ZW10: variants seen among roughly 807,000 people sequenced by gnomAD.
ZW10 encodes centromere/kinetochore protein zw10 homolog.
ZW10 carries 53 observed loss-of-function variants against 87.8 expected under a neutral mutation model. The ratio of observed to expected loss-of-function variants is 0.60; its 90% confidence interval spans 0.48 to 0.76. The LOEUF is 0.76. Among genes scored for constraint, ZW10 ranks in the 30% least tolerant of loss-of-function variants. The probability of loss-of-function intolerance (pLI) is 0.00; values close to 1 mark genes in which losing one functional copy is unlikely to be tolerated. For synonymous variants in ZW10, 312 were observed against 329.2 expected, an observed-to-expected ratio of 0.95 and a Z score of 0.57; for missense variants, 837 against 923.0, an observed-to-expected ratio of 0.91 and a Z score of 1.21.
At chr11:113,749,329 G>A (rs61905739) in intron 7 of ZW10, among the ~76,000 whole-genome samples, 11,594 of 152,262 alleles carry the variant, frequency 0.076, 598 homozygotes, top group Non-Finnish European at 0.11. Flanking sequence ...CACTTAAAAT[G>A]TGGCTAGTGT....
At chr11:113,738,478 C>T (rs1261535794) in intron 12 of ZW10, 84 bp from the exon 13 acceptor site, 1 of 1,299,940 alleles carries the variant, frequency 7.7e-7, no homozygotes, top group Admixed American at 2.4e-5. Context: ...GATGCATAAA[C>T]CATGTATCTG....
At chr11:113,741,303 G>C (rs1953615811) in intron 11 of ZW10, among the ~76,000 whole-genome samples, 1 of 152,126 alleles carries the variant, frequency 6.6e-6, no homozygotes, top group African/African-American at 2.4e-5. Flanking sequence ...GAAATTCAGA[G>C]TTCTTGGCTA....
At chr11:113,750,243 C>T (rs575461369) in intron 7 of ZW10, among the ~76,000 whole-genome samples, 15 of 151,184 alleles carry the variant, frequency 9.9e-5, no homozygotes, top group Non-Finnish European at 2.1e-4. Flanking sequence ...ATGGCAGCTG[C>T]AATTTGCTAC....
rs756385504 is a variant in ZW10 at position 113,741,706 on chromosome 11, G to A, written c.1571C>T (p.Pro524Leu). 2.5e-6 allele frequency: 4 copies of A among 1,601,206 alleles called. No homozygotes were observed. In the Admixed American group the frequency reaches 6.9e-5, roughly 28 times the overall value. ...CAGTGGTACTTACTTGTGATATGTTGGTACAACATCATGGAACAAATGGAA... is the reference window on the plus strand; with the variant it reads ...CAGTGGTACTTACTTGTGATATGTTAGTACAACATCATGGAACAAATGGAA... ...NIFHLFHDVV[P>L]TYHKENLQKL... The change falls in exon 11 of 16, where the codon CCA becomes CTA. Residue 524 changes from proline (P) to leucine (L), a missense_variant. Pro to Leu is a moderately conservative substitution (Grantham distance 98). Transcript: ENST00000200135.
chr11:113,767,607 T>C (rs938453869), intron 2 of ZW10, among the ~76,000 whole-genome samples: 2 of 152,106 alleles, frequency 1.3e-5, no homozygotes, highest in African/African-American at 4.8e-5. Context: ...CCTGGACTCA[T>C]TTCCCTCAAG....
In ZW10 at chr11:113,738,374, G is replaced by A. The variant is rs764064820; in HGVS notation, c.1774C>T (p.Gln592Ter). 4 of 1,611,800 alleles carry A rather than the reference G, an allele frequency of 2.5e-6. No individual in the cohort carries two copies. Among genetic ancestry groups the A allele is most frequent in the Non-Finnish European group, 2.5e-6 (3 of 1,179,284 alleles). Residue 592 changes from glutamine (Q) to a stop codon, truncating the protein, a stop_gained, in exon 13 of 16, where the codon CAA (glutamine) becomes TAA (stop). Transcript: ENST00000200135. LOFTEE classifies it high-confidence loss of function. ...RRLGTECFLA[Q>*]MRAQKGELLE... Reference sequence around the variant, plus strand: ...AGTTCACCTTTCTGTGCCCGCATTTGGGCCAAAAAGCATTCTGTCCCTATG... The same window carrying A: ...AGTTCACCTTTCTGTGCCCGCATTTAGGCCAAAAAGCATTCTGTCCCTATG...
intron 1 of ZW10, among the ~76,000 whole-genome samples, chr11:113,773,145 G>A (rs1937658675): frequency 6.6e-6 from 1 of 151,890 alleles, no homozygotes; most frequent in African/African-American, 2.4e-5. Flanking sequence ...GGGGAAGGGG[G>A]ATCCTGTCTT....
In ZW10 at chr11:113,733,794, G is replaced by C; in HGVS notation, c.2240C>G (p.Pro747Arg). The part of the protein sequence containing the change: ...IGDRWADGKG[P>R]LAAAFSSSEV... ...ACTGGAAGAGAACGCAGCTGCCAGG[G>C]GTCCTTTTCCATCTGCCCACCTGCA... Residue 747 changes from proline to arginine, a missense_variant, in exon 16 of 16, where the codon CCC (proline) becomes CGC (arginine). Physicochemically the swap from Pro to Arg is moderately radical, Grantham distance 103. Transcript: ENST00000200135. 3.7e-6 allele frequency: 6 copies of C among 1,607,124 alleles called. No homozygotes were observed. The highest frequency in any genetic ancestry group is 5.1e-6 in the Non-Finnish European group (6 of 1,175,816).
chr11:113,745,798 T>C (rs527317320), intron 9 of ZW10, among the ~76,000 whole-genome samples: 51 of 152,130 alleles, frequency 3.4e-4, no homozygotes, highest in Admixed American at 1.6e-3. Context: ...TGAGTACACA[T>C]AGGGGAATAA....
intron 2 of ZW10, among the ~76,000 whole-genome samples, chr11:113,763,048 G>A (rs1477431250): frequency 1.3e-5 from 2 of 152,070 alleles, no homozygotes; most frequent in Non-Finnish European, 2.9e-5. Context: ...CCTGGTGTGT[G>A]TTGTTCCCCT....
At chr11:113,761,635 A>G (rs943210150) in intron 2 of ZW10, among the ~76,000 whole-genome samples, 4 of 152,116 alleles carry the variant, frequency 2.6e-5, no homozygotes, top group Admixed American at 6.5e-5. Context: ...CACCTTATCA[A>G]TGACTTTACA....
At chr11:113,770,802 G>A (rs112809754) in intron 1 of ZW10, among the ~76,000 whole-genome samples, 11,712 of 149,726 alleles carry the variant, frequency 0.078, 575 homozygotes, top group African/African-American at 0.13. Context: ...TGGGCGACAG[G>A]GCGAGAGAGA....
At chr11:113,734,620 C>G (rs560371826) in intron 15 of ZW10, among the ~76,000 whole-genome samples, 1 of 152,206 alleles carries the variant, frequency 6.6e-6, no homozygotes, top group East Asian at 1.9e-4. Context: ...GCCTAGCCAA[C>G]ATGGCAAAAC....
chr11:113,745,836 G>A (rs1009620040), intron 9 of ZW10, among the ~76,000 whole-genome samples: 3 of 152,184 alleles, frequency 2.0e-5, no homozygotes, highest in African/African-American at 7.2e-5. Flanking sequence ...ACCATGAAAA[G>A]CAATTAAGTT....
intron 9 of ZW10, among the ~76,000 whole-genome samples, chr11:113,745,298 G>T (rs1454733739): frequency 6.8e-6 from 1 of 147,438 alleles, no homozygotes; most frequent in Non-Finnish European, 1.5e-5. Flanking sequence ...ATGCTTCAGG[G>T]ATTAAAAAAA....
intron 7 of ZW10, among the ~76,000 whole-genome samples, chr11:113,751,608 G>A (rs925572931): frequency 7.9e-5 from 12 of 152,208 alleles, no homozygotes; most frequent in Non-Finnish European, 1.3e-4. Context: ...GGGCGCAGTG[G>A]CTCACGCCTG....
intron 12 of ZW10, among the ~76,000 whole-genome samples, chr11:113,738,935 C>T (rs1953581996): frequency 6.6e-6 from 1 of 152,068 alleles, no homozygotes; most frequent in Non-Finnish European, 1.5e-5. Context: ...TATGTGAATC[C>T]TGACCTGGCA....
chr11:113,749,894 A>G (rs1953717376), intron 7 of ZW10, among the ~76,000 whole-genome samples: 1 of 152,194 alleles, frequency 6.6e-6, no homozygotes, highest in Admixed American at 6.5e-5. Context: ...GTGTCAACAG[A>G]CTGATCCCAA....
Position 113,760,235 on chromosome 11 carries a change from A to G in ZW10, c.554T>C (p.Ile185Thr), listed in dbSNP as rs150770999. ...YHLGEEWQKL[I>T]VWKFPPSKDT... ...TTTTGATGGTGGGAACTTCCATACA[A>G]TCAGCTTCTGCCACTCTTCTCCAAG... Residue 185 changes from isoleucine (I) to threonine (T), a missense_variant, in exon 5 of 16, where the codon ATT becomes ACT. Physicochemically the swap from Ile to Thr is moderately conservative, Grantham distance 89. Coordinates refer to ENST00000200135, the MANE Select transcript of ZW10 (RefSeq NM_004724.4). 6 of 1,614,062 alleles carry G rather than the reference A, an allele frequency of 3.7e-6. No individual in the cohort carries two copies. Among genetic ancestry groups the G allele is most frequent in the Non-Finnish European group, 4.2e-6 (5 of 1,179,986 alleles).
Sources: allele counts gnomAD v4.1 joint callset (sites outside exome capture counted in the v4.1 genomes callset), GRCh38; gene constraint gnomAD v4.1.1; transcripts MANE v1.5; gene names NCBI Gene and HGNC (gene_info 2026-07-23, HGNC 2026-07-21).